Variants in NECAB2 observed in about 807,000 individuals in gnomAD.
The protein encoded by NECAB2 is N-terminal EF-hand calcium-binding protein 2.
Under a neutral mutation model 51.9 loss-of-function variants are expected in NECAB2, and 68 were observed. The observed-to-expected ratio is 1.31, with a 90% CI of 1.08 to 1.60. The LOEUF (loss-of-function observed/expected upper bound fraction) is 1.60. Ranked by LOEUF, NECAB2 falls within the 40% of genes most tolerant of loss-of-function variation. NECAB2 has a pLI of 0.00. For synonymous variants in NECAB2, 329 were observed against 203.5 expected, an observed-to-expected ratio of 1.62 and a Z score of -5.25; for missense variants, 854 against 490.3, an observed-to-expected ratio of 1.74 and a Z score of -7.00.
At chr16:83,973,369 C>G (rs1272096966) in intron 2 of NECAB2, among the ~76,000 whole-genome samples, 4 of 152,136 alleles carry the variant, frequency 2.6e-5, no homozygotes, top group Non-Finnish European at 5.9e-5. Flanking sequence ...GGTGGGAGGG[C>G]AGGTGCACAG....
chr16:83,996,695 T>G (rs539011926), intron 8 of NECAB2, among the ~76,000 whole-genome samples: 17 of 152,208 alleles, frequency 1.1e-4, no homozygotes, highest in Middle Eastern at 3.4e-3. Flanking sequence ...ACTGTTGATC[T>G]TCTGTGGGGG....
In NECAB2 at chr16:83,990,669, G is replaced by A. The variant is rs201970550; in HGVS notation, c.596+39G>A. The A allele has an allele frequency of 5.6e-6, 9 of 1,608,780 alleles. No homozygotes were observed. In the East Asian group the frequency reaches 1.8e-4, roughly 32 times the overall value. On this transcript the variant is annotated intron_variant, in intron 6 of 12. Coordinates refer to ENST00000305202, the MANE Select transcript of NECAB2 (RefSeq NM_019065.3). Reference sequence around the variant, plus strand: ...ACCCTGCAGGGTCCCATGGGGGTATGCCGTGCACGCGCACGTGCCCACCTG... The same window carrying A: ...ACCCTGCAGGGTCCCATGGGGGTATACCGTGCACGCGCACGTGCCCACCTG...
chr16:83,977,828 C>G (rs2084432900), intron 2 of NECAB2, among the ~76,000 whole-genome samples: 1 of 152,194 alleles, frequency 6.6e-6, no homozygotes, highest in Admixed American at 6.5e-5. Flanking sequence ...AGAAAGGGTT[C>G]TTCTGTACTC....
At chr16:83,997,158 C>G in intron 8 of NECAB2, 58 bp from the exon 9 acceptor site, 1 of 1,607,494 alleles carries the variant, frequency 6.2e-7, no homozygotes, top group Non-Finnish European at 8.5e-7. Flanking sequence ...GAGCTCCTGG[C>G]TCCCCGGGGC....
rs548678024 is a variant in NECAB2, at chr16:83,969,360, T to C, written c.201+511T>C. On this transcript the variant is annotated intron_variant, in intron 1 of 12. Transcript: ENST00000305202. ...ACGCTCAAAGACCCTTTGCCCCAGC[T>C]ACTGCCACTTTAAAAGTGAAGCCCC... is the stretch of plus-strand genomic sequence containing the variant. 6.6e-5 allele frequency among the ~76,000 whole-genome samples: 10 copies of C among 152,166 alleles called. No homozygotes were observed. The East Asian group carries it at 1.7e-3, about 27-fold the overall frequency.
rs766507453 is a variant in NECAB2 at position 83,990,607 on chromosome 16, C to T, written c.573C>T (p.Ile191=). 1.4e-5 allele frequency: 23 copies of T among 1,613,888 alleles called. No homozygotes were observed. Among genetic ancestry groups the T allele is most frequent in the South Asian group, 2.2e-5 (2 of 91,082 alleles). The change falls in exon 6 of 13, where the codon ATC becomes ATT. Residue 191 remains isoleucine (I), a synonymous_variant. Transcript: ENST00000305202. ...CAGTGGAGAGTGCGGTGGAGGCCAT[C>T]GAGGAACAGACCAGCCAGCTCCGGT... The part of the protein sequence containing the change: ...LSSVESAVEA[I]EEQTSQLRQN...
At chr16:83,993,217 C>G (rs567182406) in intron 6 of NECAB2, among the ~76,000 whole-genome samples, 3 of 152,312 alleles carry the variant, frequency 2.0e-5, no homozygotes, top group African/African-American at 7.2e-5. Context: ...GCTACTGGCT[C>G]AGACCCCACC....
chr16:83,991,970 A>G (rs1363285070), intron 6 of NECAB2, among the ~76,000 whole-genome samples: 1 of 152,196 alleles, frequency 6.6e-6, no homozygotes, highest in African/African-American at 2.4e-5. Flanking sequence ...TTTGAAAATT[A>G]GAAAGCAGTT....
At chr16:83,984,634 G>T (rs1221527772) in intron 5 of NECAB2, among the ~76,000 whole-genome samples, 1 of 152,116 alleles carries the variant, frequency 6.6e-6, no homozygotes, top group Non-Finnish European at 1.5e-5. Flanking sequence ...GGGAGGCTGA[G>T]GTGAGAGGAT....
At position 83,994,605 on chromosome 16, in the gene NECAB2, G is replaced by A. The variant is rs750068155; in HGVS notation, c.716-4G>A. 17 of 1,613,914 alleles carry A rather than the reference G, an allele frequency of 1.1e-5. No homozygotes were observed. Among genetic ancestry groups the A allele is most frequent in the Admixed American group, 5.0e-5 (3 of 60,002 alleles). The stretch of plus-strand genomic sequence containing the variant: ...AAGTCTGTGTGTCTCTTTCTCTACC[G>A]CAGCCACGGAGGATGCAAAGGAAGA... On this transcript the variant is annotated splice_polypyrimidine_tract_variant and splice_region_variant and intron_variant, in intron 7 of 12. Transcript: ENST00000305202.
Position 83,981,088 on chromosome 16 carries a change from G to C in NECAB2, c.420G>C (p.Leu140Phe). ...YEDVLASLETLNHSVLKAMGY... is the reference protein window; with the variant it reads ...YEDVLASLETFNHSVLKAMGY... ...ATGTCCTGGCCTCCCTGGAGACCTTGAATCACTCTGTCCTGAAGGCCATGG... is the reference window on the plus strand; with the variant it reads ...ATGTCCTGGCCTCCCTGGAGACCTTCAATCACTCTGTCCTGAAGGCCATGG... Residue 140 changes from leucine (L) to phenylalanine (F), a missense_variant, in exon 5 of 13, where the codon TTG becomes TTC. Leu to Phe is a conservative substitution (Grantham distance 22, BLOSUM62 0). Transcript: ENST00000305202. 2 of 1,614,164 alleles carry C rather than the reference G, an allele frequency of 1.2e-6. No individual in the cohort carries two copies. Among genetic ancestry groups the C allele is most frequent in the Non-Finnish European group, 1.7e-6 (2 of 1,180,024 alleles).
At chr16:84,000,637 G>C in intron 10 of NECAB2, 87 bp from the exon 11 acceptor site, 2 of 1,067,824 alleles carry the variant, frequency 1.9e-6, no homozygotes, top group Non-Finnish European at 2.9e-6. Flanking sequence ...GTGTATAGTG[G>C]TGGGTCTCAG....
intron 5 of NECAB2, among the ~76,000 whole-genome samples, chr16:83,989,725 A>G (rs1420350494): frequency 1.3e-5 from 2 of 152,114 alleles, no homozygotes; most frequent in Admixed American, 1.3e-4. Context: ...AAGCATCTCC[A>G]CTGGATCCAA....
rs1338924875 is a variant in NECAB2, at chr16:83,968,721, C to T, written c.73C>T (p.Arg25Trp). 8 of 1,021,576 alleles carry T rather than the reference C, an allele frequency of 7.8e-6. No homozygotes were observed. Among genetic ancestry groups the T allele is most frequent in the Non-Finnish European group, 2.3e-6 (2 of 856,950 alleles). 63.3% of individuals were successfully genotyped at this position (1,021,576 alleles called of 1,614,324 possible). A position where few individuals can be genotyped will look rare whatever the true frequency, so the allele number is the denominator to read the frequency against. The change falls in exon 1 of 13, where the codon CGG becomes TGG. Residue 25 changes from arginine to tryptophan, a missense_variant. By Grantham distance (101) the Arg-to-Trp change is moderately radical. Coordinates refer to ENST00000305202, the MANE Select transcript of NECAB2 (RefSeq NM_019065.3). Reference sequence around the variant, plus strand: ...GCTCCGGGAGCCGCCGCAGCAGGGCCGGGCGCTGGGCGGGCTGCTGCGCTG... The same window carrying T: ...GCTCCGGGAGCCGCCGCAGCAGGGCTGGGCGCTGGGCGGGCTGCTGCGCTG... ...RLLREPPQQG[R>W]ALGGLLRWVG... is the part of the protein sequence containing the mutation.
chr16:83,980,831 C>G lies in NECAB2; in HGVS notation c.336-8C>G, dbSNP rs772234497. On this transcript the variant is annotated splice_region_variant and splice_polypyrimidine_tract_variant and intron_variant, in intron 3 of 12. Coordinates refer to ENST00000305202, the MANE Select transcript of NECAB2 (RefSeq NM_019065.3). Reference sequence around the variant, plus strand: ...TCTGTCTGTCTCTGCCTCTGTCTGTCTCTGCAGCCATGTGGACACCAAGGA... The same window carrying G: ...TCTGTCTGTCTCTGCCTCTGTCTGTGTCTGCAGCCATGTGGACACCAAGGA... 3.8e-6 allele frequency: 6 copies of G among 1,580,414 alleles called. No homozygotes were observed. In the South Asian group the frequency reaches 5.7e-5, roughly 15 times the overall value.
chr16:84,001,513 G>A (rs934827034), intron 11 of NECAB2, among the ~76,000 whole-genome samples: 4 of 152,120 alleles, frequency 2.6e-5, no homozygotes, highest in African/African-American at 9.7e-5. Flanking sequence ...CTTCTGTGTT[G>A]TCATGGGTCC....
intron 5 of NECAB2, among the ~76,000 whole-genome samples, chr16:83,985,001 T>C (rs1441342748): frequency 6.6e-6 from 1 of 152,158 alleles, no homozygotes; most frequent in Admixed American, 6.5e-5. Context: ...TTTGATAATG[T>C]TGACATTTTT....
chr16:83,994,586 G>T (rs771015834), intron 7 of NECAB2, 23 bp from the exon 8 acceptor site: 2 of 1,610,776 alleles, frequency 1.2e-6, no homozygotes, highest in Non-Finnish European at 1.7e-6. Flanking sequence ...ACTGAAGTCT[G>T]TGTGTCTCTT....
rs376782076 is a variant in NECAB2 at position 83,994,292 on chromosome 16, C to T, written c.597-10C>T. 1.2e-6 allele frequency: 2 copies of T among 1,613,748 alleles called. No individual in the cohort carries two copies. Among genetic ancestry groups the T allele is most frequent in the African/African-American group, 2.7e-5 (2 of 74,904 alleles). On this transcript the variant is annotated splice_polypyrimidine_tract_variant and intron_variant, in intron 6 of 12. Coordinates refer to ENST00000305202, the MANE Select transcript of NECAB2 (RefSeq NM_019065.3). ...GCCATGGTCTGTGTGTGTTCCCATCCAAACTGCAGACAGAACCACATCAAA... is the reference window on the plus strand; with the variant it reads ...GCCATGGTCTGTGTGTGTTCCCATCTAAACTGCAGACAGAACCACATCAAA...
Sources: allele counts gnomAD v4.1 joint callset (sites outside exome capture counted in the v4.1 genomes callset), GRCh38; gene constraint gnomAD v4.1.1; transcripts MANE v1.5; gene names NCBI Gene and HGNC (gene_info 2026-07-23, HGNC 2026-07-21).